The following LRMDA variants were observed in gnomAD, a reference collection of about 807,000 sequenced individuals.
The protein encoded by LRMDA is leucine rich melanocyte differentiation associated.
LRMDA carries 18 observed loss-of-function variants against 29.8 expected under a neutral mutation model. The ratio of observed to expected loss-of-function variants is 0.60; its 90% confidence interval spans 0.42 to 0.90. The LOEUF is 0.90. Ranked by LOEUF, LRMDA falls within the 40% of genes least tolerant of loss-of-function variation. The pLI, the probability that LRMDA is intolerant of heterozygous loss-of-function variation, is 0.00. For missense variants in LRMDA, 273 were observed against 273.9 expected (o/e 1.00, Z 0.02); for synonymous variants, 125 against 109.4 (o/e 1.14, Z -0.89).
intron 6 of LRMDA, among the ~76,000 whole-genome samples, chr10:76,410,298 CTTTTTTTT>C (rs1172213249): frequency 7.5e-5 from 5 of 66,564 alleles, no homozygotes; most frequent in Admixed American, 6.5e-4. Context: ...CACTTTCTTT[CTTTTTTTT>C]TTTTTTTTTT....
chr10:75,492,918 T>C (rs1478480700), intron 2 of LRMDA, among the ~76,000 whole-genome samples: 1 of 152,238 alleles, frequency 6.6e-6, no homozygotes, highest in East Asian at 1.9e-4. Context: ...TTTAAAAGCT[T>C]CAAGGCTTAG....
chr10:75,969,014 A>G (rs1261912635), intron 2 of LRMDA, among the ~76,000 whole-genome samples: 2 of 152,164 alleles, frequency 1.3e-5, no homozygotes, highest in African/African-American at 4.8e-5. Context: ...CAACTTGGGT[A>G]ATATAATAAA....
intron 5 of LRMDA, among the ~76,000 whole-genome samples, chr10:76,314,215 A>G (rs1840663468): frequency 6.6e-6 from 1 of 152,202 alleles, no homozygotes; most frequent in Non-Finnish European, 1.5e-5. Context: ...TGCTACCATT[A>G]GGCTACGACA....
At chr10:76,502,652 T>C (rs1391030944) in intron 6 of LRMDA, among the ~76,000 whole-genome samples, 1 of 152,012 alleles carries the variant, frequency 6.6e-6, no homozygotes, top group Non-Finnish European at 1.5e-5. Flanking sequence ...GATTTCACTC[T>C]CAGCCTGGAC....
intron 2 of LRMDA, among the ~76,000 whole-genome samples, chr10:75,840,717 A>G (rs1844526388): frequency 1.3e-5 from 2 of 152,254 alleles, no homozygotes; most frequent in Non-Finnish European, 2.9e-5. Flanking sequence ...CTATTAATGA[A>G]CTATGAAGAA....
At chr10:76,369,512 T>G (rs1841428760) in intron 6 of LRMDA, among the ~76,000 whole-genome samples, 1 of 152,192 alleles carries the variant, frequency 6.6e-6, no homozygotes, top group Non-Finnish European at 1.5e-5. Flanking sequence ...CTTTATAGGT[T>G]ACCTGGTGCT....
At chr10:75,687,523 G>A (rs978744323) in intron 2 of LRMDA, among the ~76,000 whole-genome samples, 10 of 152,186 alleles carry the variant, frequency 6.6e-5, no homozygotes, top group African/African-American at 2.4e-4. Context: ...TGAGACCAGA[G>A]GTTTGTTCAG....
chr10:76,113,848 G>A (rs1321511922), intron 5 of LRMDA, among the ~76,000 whole-genome samples: 1 of 152,162 alleles, frequency 6.6e-6, no homozygotes, highest in Non-Finnish European at 1.5e-5. Context: ...CAAGAACGGG[G>A]TGCAAAGTTC....
intron 6 of LRMDA, chr10:76,470,341 A>G (rs923657325): frequency 6.6e-6 from 1 of 152,130 alleles, no homozygotes; most frequent in African/African-American, 2.4e-5. Flanking sequence ...TAATTTAAAA[A>G]GCAATTGTAC....
At chr10:75,471,940 T>A (rs1412432422) in intron 2 of LRMDA, among the ~76,000 whole-genome samples, 1 of 152,138 alleles carries the variant, frequency 6.6e-6, no homozygotes, top group Non-Finnish European at 1.5e-5. Flanking sequence ...ACCCTCTGGC[T>A]TCTGGTTCAA....
chr10:76,205,756 C>T (rs899807792), intron 5 of LRMDA, among the ~76,000 whole-genome samples: 2 of 152,038 alleles, frequency 1.3e-5, no homozygotes, highest in Non-Finnish European at 2.9e-5. Flanking sequence ...TTAGCTATTC[C>T]AGTGGGTGGA....
chr10:75,642,973 G>A (rs76828437), intron 2 of LRMDA: 6,544 of 152,260 alleles, frequency 0.043, 457 homozygotes, highest in African/African-American at 0.15. Flanking sequence ...CACAAGCTTG[G>A]ACCTGGGCTG....
intron 5 of LRMDA, among the ~76,000 whole-genome samples, chr10:76,112,147 G>A (rs1849588841): frequency 6.6e-6 from 1 of 152,170 alleles, no homozygotes; most frequent in Non-Finnish European, 1.5e-5. Flanking sequence ...GGAGGGGCTG[G>A]CAGCCTGGAG....
At chr10:76,518,579 A>G (rs1843087490) in intron 6 of LRMDA, among the ~76,000 whole-genome samples, 2 of 152,160 alleles carry the variant, frequency 1.3e-5, no homozygotes, top group Non-Finnish European at 2.9e-5. Context: ...CTGCAACTAA[A>G]CTATGAAATA....
rs545136240 is a variant in LRMDA at position 76,313,407 on chromosome 10, G to A, written c.517-10994G>A. 3.2e-4 allele frequency among the ~76,000 whole-genome samples: 49 copies of A among 152,280 alleles called. No homozygotes were observed. In the Middle Eastern group the frequency reaches 0.014, roughly 42 times the overall value. On this transcript the variant is annotated intron_variant, in intron 5 of 6. Coordinates refer to ENST00000611255, the MANE Select transcript of LRMDA (RefSeq NM_001305581.2). ...TGTTAGTCAAAATGTGGCTTAAAGA[G>A]TTTAAGTCAATTGCCCAAGATGGAG...
At chr10:76,181,129 T>C (rs1412551511) in intron 5 of LRMDA, among the ~76,000 whole-genome samples, 2 of 152,190 alleles carry the variant, frequency 1.3e-5, no homozygotes, top group Non-Finnish European at 2.9e-5. Context: ...AATAGGCTGT[T>C]CCCAAGTTTG....
At chr10:75,816,390 G>A (rs1290628211) in intron 2 of LRMDA, among the ~76,000 whole-genome samples, 1 of 152,150 alleles carries the variant, frequency 6.6e-6, no homozygotes, top group Non-Finnish European at 1.5e-5. Flanking sequence ...TGTGCTGTGA[G>A]CCCAGAGAAG....
At chr10:76,321,842 G>A (rs1322668125) in intron 5 of LRMDA, among the ~76,000 whole-genome samples, 2 of 152,120 alleles carry the variant, frequency 1.3e-5, no homozygotes, top group African/African-American at 2.4e-5. Flanking sequence ...CTACTCGGGA[G>A]GCTGAGGCAT....
At chr10:76,252,121 C>T (rs1415668095) in intron 5 of LRMDA, among the ~76,000 whole-genome samples, 1 of 152,182 alleles carries the variant, frequency 6.6e-6, no homozygotes, top group African/African-American at 2.4e-5. Flanking sequence ...GCTTCCTGCT[C>T]TCCCCAATGA....
Sources: allele counts gnomAD v4.1 joint callset (sites outside exome capture counted in the v4.1 genomes callset), GRCh38; gene constraint gnomAD v4.1.1; transcripts MANE v1.5; gene names NCBI Gene and HGNC (gene_info 2026-07-23, HGNC 2026-07-21).